PIK3C2G: variants seen among roughly 807,000 people sequenced by gnomAD.
PIK3C2G encodes phosphatidylinositol-4-phosphate 3-kinase catalytic subunit type 2 gamma, also known as phosphatidylinositol 3-kinase C2 domain-containing subunit gamma.
A neutral mutation model predicts 181.1 loss-of-function variants in PIK3C2G; 168 were observed. The observed-to-expected ratio is 0.93, with a 90% CI of 0.82 to 1.05. The LOEUF is 1.05. Among genes scored for constraint, PIK3C2G ranks in the 50% least tolerant of loss-of-function variants. The pLI is 0.00. For synonymous variants in PIK3C2G, 573 were observed against 592.2 expected, an observed-to-expected ratio of 0.97 and a Z score of 0.47; for missense variants, 1,869 against 1,732.8, an observed-to-expected ratio of 1.08 and a Z score of -1.40.
chr12:18,365,575 G>T (rs973153950), intron 12 of PIK3C2G, among the ~76,000 whole-genome samples: 13 of 152,044 alleles, frequency 8.6e-5, no homozygotes, highest in African/African-American at 3.1e-4. Context: ...TTTCCACATG[G>T]CTGACTCTTA....
the PIK3C2G span, among the ~76,000 whole-genome samples, chr12:18,660,248 C>T: frequency 6.6e-6 from 1 of 152,100 alleles, no homozygotes; most frequent in Non-Finnish European, 1.5e-5. Context: ...GATCAGCTTG[C>T]ACACAGCTTG....
rs569413674 is a variant in PIK3C2G, at chr12:18,369,475, C to T, written c.1749-1705C>T. Among the ~76,000 whole-genome samples, 31 of 146,910 alleles carry T rather than the reference C, an allele frequency of 2.1e-4. 1 individual carries two copies. The highest frequency in any genetic ancestry group is 7.1e-4 in the African/African-American group (28 of 39,640). On this transcript the variant is annotated intron_variant, in intron 12 of 32. Coordinates refer to ENST00000538779, the MANE Select transcript of PIK3C2G (RefSeq NM_001288772.2). ...GTATAATTGACATATGATCATATAA[C>T]GATCGTATAATTGACATATGATCAT...
At chr12:18,251,083 T>C (rs1948091228) in intron 1 of PIK3C2G, among the ~76,000 whole-genome samples, 1 of 151,944 alleles carries the variant, frequency 6.6e-6, no homozygotes, top group South Asian at 2.1e-4. Context: ...TCTAGAGTTT[T>C]TAGAAATCTT....
chr12:18,719,052 T>C, the PIK3C2G span, among the ~76,000 whole-genome samples: 1 of 152,206 alleles, frequency 6.6e-6, no homozygotes, highest in South Asian at 2.1e-4. Context: ...TGTCCTGATG[T>C]CTGAGAATTA....
At chr12:18,588,854 A>G (rs977639899) in intron 29 of PIK3C2G, among the ~76,000 whole-genome samples, 43 of 152,178 alleles carry the variant, frequency 2.8e-4, no homozygotes, top group African/African-American at 9.9e-4. Flanking sequence ...AATGCCCTCA[A>G]TGGCAGGTTG....
intron 18 of PIK3C2G, among the ~76,000 whole-genome samples, chr12:18,431,354 C>T (rs1946149574): frequency 6.6e-6 from 1 of 152,132 alleles, no homozygotes; most frequent in Non-Finnish European, 1.5e-5. Flanking sequence ...AGCATCCAGG[C>T]AGGAGGAAAG....
chr12:18,530,549 T>G (rs1943493721), intron 24 of PIK3C2G, among the ~76,000 whole-genome samples: 1 of 152,132 alleles, frequency 6.6e-6, no homozygotes, highest in African/African-American at 2.4e-5. Flanking sequence ...AACCACTTGA[T>G]CTGGTTTTAT....
chr12:18,608,239 T>C (rs968776512), intron 30 of PIK3C2G, among the ~76,000 whole-genome samples: 2 of 152,058 alleles, frequency 1.3e-5, no homozygotes, highest in African/African-American at 4.8e-5. Context: ...ATCATGCTGC[T>C]ATAAAGACAC....
intron 18 of PIK3C2G, among the ~76,000 whole-genome samples, chr12:18,466,658 G>C (rs2135958569): frequency 6.6e-6 from 1 of 152,014 alleles, no homozygotes; most frequent in African/African-American, 2.4e-5. Context: ...TTTGTCAGAT[G>C]GCATAATGAC....
At position 18,642,861 on chromosome 12, in the gene PIK3C2G, TAG is replaced by T. The variant is rs1217687415; in HGVS notation, c.4308+2319_4308+2320del. Among the ~76,000 whole-genome samples the T allele has an allele frequency of 5.9e-5, 9 of 151,282 alleles. No homozygotes were observed. The East Asian group carries it at 1.4e-3, about 23-fold the overall frequency. On this transcript the variant is annotated intron_variant, in intron 32 of 32. Transcript: ENST00000538779. The stretch of plus-strand genomic sequence containing the variant: ...TACATGTATATACTGCATATATATA[TAG>T]AGAGAGAGAGATTCTCTAAACTGGT...
Position 18,594,570 on chromosome 12 carries a change from GT to G in PIK3C2G, c.4087+2del. The G allele has an allele frequency of 6.7e-7, 1 of 1,487,792 alleles. No individual in the cohort carries two copies. The highest frequency in any genetic ancestry group is 9.0e-7 in the Non-Finnish European group (1 of 1,110,680). The allele number at this position is 1,487,792 out of a possible 1,614,324, so 92.2% of individuals were successfully genotyped here. On this transcript the variant is annotated splice_donor_variant, in intron 30 of 32. Coordinates refer to ENST00000538779, the MANE Select transcript of PIK3C2G (RefSeq NM_001288772.2). LOFTEE classifies it high-confidence loss of function. ...GAAGAATCATCACCTGTGTACCTAG[GT>G]AAGTAAATTTGTCATTATATTACGT...
At chr12:18,626,477 T>C (rs1001036579) in intron 31 of PIK3C2G, among the ~76,000 whole-genome samples, 1 of 152,020 alleles carries the variant, frequency 6.6e-6, no homozygotes, top group Non-Finnish European at 1.5e-5. Context: ...GTGTTCTGAA[T>C]GTTGTTCGGT....
chr12:18,548,858 T>A (rs1030218455), intron 26 of PIK3C2G, among the ~76,000 whole-genome samples: 1 of 152,036 alleles, frequency 6.6e-6, no homozygotes, highest in Non-Finnish European at 1.5e-5. Context: ...TCCTAGGACC[T>A]TATAATCTGA....
At chr12:18,685,376 T>C in the PIK3C2G span, 4 of 165,046 alleles carry the variant, frequency 2.4e-5, no homozygotes, top group Admixed American at 1.8e-4. Context: ...AGATTAAATA[T>C]AAATTCTGCT....
At chr12:18,662,812 T>C in the PIK3C2G span, among the ~76,000 whole-genome samples, 2 of 152,022 alleles carry the variant, frequency 1.3e-5, no homozygotes, top group Non-Finnish European at 2.9e-5. Context: ...ATGTTAAATG[T>C]AATCCCCATG....
At chr12:18,543,421 C>T (rs1465915970) in intron 25 of PIK3C2G, among the ~76,000 whole-genome samples, 2 of 151,756 alleles carry the variant, frequency 1.3e-5, no homozygotes, top group Non-Finnish European at 2.9e-5. Context: ...AATTTTTGCT[C>T]TCATTGCGAT....
At chr12:18,391,328 G>C (rs540785666) in intron 15 of PIK3C2G, 76 bp downstream of exon 15, 89 of 1,105,286 alleles carry the variant, frequency 8.1e-5, no homozygotes, top group Non-Finnish European at 4.9e-6. Context: ...AAGCATGATA[G>C]CTTCAAAGAG....
intron 18 of PIK3C2G, among the ~76,000 whole-genome samples, chr12:18,428,582 C>T (rs1293292718): frequency 6.6e-6 from 1 of 152,176 alleles, no homozygotes; most frequent in Non-Finnish European, 1.5e-5. Flanking sequence ...TATCAGTGAT[C>T]AGAAAGTTGC....
intron 31 of PIK3C2G, among the ~76,000 whole-genome samples, chr12:18,631,650 A>G (rs1329049183): frequency 6.6e-6 from 1 of 152,230 alleles, no homozygotes; most frequent in African/African-American, 2.4e-5. Context: ...AGTTATAATA[A>G]GTCAGGGAAT....
Sources: gnomAD v4.1 joint callset for allele counts (sites outside exome capture counted in the v4.1 genomes callset) on GRCh38, gnomAD v4.1.1 for gene constraint, MANE v1.5 for transcripts, NCBI Gene and HGNC (gene_info 2026-07-23, HGNC 2026-07-21) for gene names.